The following ARB2A variants were observed in gnomAD, a reference collection of about 807,000 sequenced individuals.
ARB2A encodes the protein ARB2 cotranscriptional regulator A.
chr5:93,927,921 T>TA, the ARB2A span, among the ~76,000 whole-genome samples: 2 of 152,110 alleles, frequency 1.3e-5, no homozygotes, highest in African/African-American at 4.8e-5. Flanking sequence ...GGCTTATCTA[T>TA]AAAAATCATT....
the ARB2A span, among the ~76,000 whole-genome samples, chr5:93,883,836 G>A: frequency 4.1e-4 from 62 of 150,300 alleles, no homozygotes; most frequent in Non-Finnish European, 6.8e-4. Context: ...ATTCTGTACC[G>A]TGAGTAAGTG....
chr5:94,092,151 C>G, the ARB2A span, among the ~76,000 whole-genome samples: 1 of 129,442 alleles, frequency 7.7e-6, no homozygotes, highest in Non-Finnish European at 1.7e-5. Context: ...GCCTGGCCAA[C>G]AAAACAAAAC....
At chr5:93,750,737 C>A in the ARB2A span, among the ~76,000 whole-genome samples, 1 of 151,894 alleles carries the variant, frequency 6.6e-6, no homozygotes, top group Non-Finnish European at 1.5e-5. Flanking sequence ...ATGTTGCCCA[C>A]GCTGGTCTCA....
the ARB2A span, among the ~76,000 whole-genome samples, chr5:93,957,627 AC>A: frequency 6.6e-6 from 1 of 152,036 alleles, no homozygotes; most frequent in African/African-American, 2.4e-5. Flanking sequence ...TTGCCTATCC[AC>A]AAAAAGTGGG....
the ARB2A span, among the ~76,000 whole-genome samples, chr5:94,063,119 AC>A: frequency 6.8e-6 from 1 of 147,736 alleles, no homozygotes; most frequent in Non-Finnish European, 1.5e-5. Flanking sequence ...AAATAACCCC[AC>A]CCCCGCCTAC....
At chr5:93,620,099 T>A in the ARB2A span, 2 of 152,316 alleles carry the variant, frequency 1.3e-5, no homozygotes, top group East Asian at 3.9e-4. Flanking sequence ...GTGTGTTATA[T>A]CTAAATTACA....
the ARB2A span, among the ~76,000 whole-genome samples, chr5:94,106,417 C>G: frequency 1.3e-5 from 2 of 151,900 alleles, no homozygotes; most frequent in Non-Finnish European, 1.5e-5. Flanking sequence ...AAATCAAAAC[C>G]AAAATAAGAA....
At chr5:93,918,044 T>C in the ARB2A span, among the ~76,000 whole-genome samples, 43 of 152,326 alleles carry the variant, frequency 2.8e-4, no homozygotes, top group African/African-American at 9.6e-4. Context: ...TTGTCCCTTT[T>C]TGTTAATGAC....
the ARB2A span, among the ~76,000 whole-genome samples, chr5:93,729,968 T>G: frequency 6.6e-6 from 1 of 152,180 alleles, no homozygotes; most frequent in Non-Finnish European, 1.5e-5. Context: ...GAGAAAATAT[T>G]TAAATCTCGC....
the ARB2A span, among the ~76,000 whole-genome samples, chr5:93,759,403 A>G: frequency 6.6e-6 from 1 of 152,192 alleles, no homozygotes; most frequent in African/African-American, 2.4e-5. Context: ...CTATGAAGCC[A>G]GCATCACCCC....
chr5:94,099,496 C>G, the ARB2A span, among the ~76,000 whole-genome samples: 1 of 151,464 alleles, frequency 6.6e-6, no homozygotes, highest in Non-Finnish European at 1.5e-5. Context: ...TGGTGGTGGG[C>G]GCCTGTGGTC....
the ARB2A span, among the ~76,000 whole-genome samples, chr5:93,897,079 T>C: frequency 1.3e-5 from 2 of 151,970 alleles, no homozygotes; most frequent in African/African-American, 2.4e-5. Flanking sequence ...AGTAGGATAA[T>C]TTAGTGTATA....
At chr5:93,799,381 G>A in the ARB2A span, among the ~76,000 whole-genome samples, 6 of 151,838 alleles carry the variant, frequency 4.0e-5, no homozygotes, top group African/African-American at 7.3e-5. Context: ...AGACTCTTAC[G>A]AAGCTGTCTC....
At chr5:93,796,211 A>C in the ARB2A span, among the ~76,000 whole-genome samples, 57 of 152,204 alleles carry the variant, frequency 3.7e-4, 1 homozygote, top group Admixed American at 2.8e-3. Context: ...TTGGGGACTA[A>C]AGACATTTGA....
chr5:93,869,111 T>C, the ARB2A span, among the ~76,000 whole-genome samples: 8 of 152,320 alleles, frequency 5.3e-5, no homozygotes, highest in East Asian at 1.5e-3. Flanking sequence ...TTTATGTCTC[T>C]AGGCCTCATT....
chr5:93,738,986 G>A, the ARB2A span: 1 of 152,178 alleles, frequency 6.6e-6, no homozygotes, highest in African/African-American at 2.4e-5. Context: ...AGTTTCTACA[G>A]TCTCATGAAG....
At chr5:93,620,917 T>TCGA in the ARB2A span, 221,695 of 1,565,854 alleles carry the variant, frequency 0.14, 19,365 homozygotes, top group African/African-American at 0.4. Flanking sequence ...GGGAGTCCGC[T>TCGA]CGACACAAGC....
the ARB2A span, among the ~76,000 whole-genome samples, chr5:93,709,848 A>T: frequency 1.3e-5 from 2 of 152,032 alleles, no homozygotes; most frequent in African/African-American, 4.8e-5. Context: ...CCAACCCTAT[A>T]ATTTTTCAAG....
chr5:93,662,750 C>T, the ARB2A span, among the ~76,000 whole-genome samples: 5 of 152,150 alleles, frequency 3.3e-5, no homozygotes, highest in African/African-American at 9.7e-5. Flanking sequence ...TGGTAGATGG[C>T]GTTAAGCAAG....
Sources: gnomAD v4.1 joint callset for allele counts (sites outside exome capture counted in the v4.1 genomes callset) on GRCh38, gnomAD v4.1.1 for gene constraint, MANE v1.5 for transcripts, NCBI Gene and HGNC (gene_info 2026-07-23, HGNC 2026-07-21) for gene names.